The following LRCH3 variants were observed in gnomAD, a reference collection of about 807,000 sequenced individuals.
The protein encoded by LRCH3 is DISP complex protein LRCH3.
A neutral mutation model predicts 104.5 loss-of-function variants in LRCH3; 68 were observed. The observed-to-expected ratio is 0.65, with a 90% CI of 0.54 to 0.80. The LOEUF (loss-of-function observed/expected upper bound fraction) is 0.80. LRCH3 is among the 30% of genes least tolerant of loss of function. The probability of loss-of-function intolerance (pLI) is 0.00; values close to 1 mark genes in which losing one functional copy is unlikely to be tolerated. For synonymous variants in LRCH3, 344 were observed against 361.3 expected (o/e 0.95, Z 0.54); for missense variants, 951 against 953.9 (o/e 1.00, Z 0.04).
intron 1 of LRCH3, among the ~76,000 whole-genome samples, chr3:197,808,306 C>CA (rs1732725044): frequency 6.6e-6 from 1 of 152,220 alleles, no homozygotes; most frequent in Admixed American, 6.5e-5. Context: ...ACCTTCATCT[C>CA]AGACTTCTAG....
At chr3:197,809,627 C>G (rs1457369031) in intron 1 of LRCH3, among the ~76,000 whole-genome samples, 2 of 150,746 alleles carry the variant, frequency 1.3e-5, no homozygotes, top group Non-Finnish European at 2.9e-5. Flanking sequence ...GTTGTTCAGG[C>G]TGGGTAATTT....
intron 10 of LRCH3, among the ~76,000 whole-genome samples, chr3:197,840,645 C>T (rs748392071): frequency 6.6e-6 from 1 of 152,014 alleles, no homozygotes; most frequent in Non-Finnish European, 1.5e-5. Context: ...GGTGAATTTA[C>T]GTAGTTCTTA....
At chr3:197,834,640 C>T (rs1439452011) in intron 8 of LRCH3, among the ~76,000 whole-genome samples, 3 of 152,188 alleles carry the variant, frequency 2.0e-5, no homozygotes, top group African/African-American at 2.4e-5. Context: ...AACACGAAAA[C>T]ACAAAGATGC....
chr3:197,832,188 T>A lies in LRCH3; in HGVS notation c.982-9T>A, dbSNP rs1736040566. ...TGATTGTTTTTAATGTTTCTGCTTC[T>A]TTTTTAAGCCTACAGATGAATTTTC... On this transcript the variant is annotated splice_polypyrimidine_tract_variant and intron_variant, in intron 7 of 20. Coordinates refer to ENST00000425562, the MANE Select transcript of LRCH3 (RefSeq NM_001365715.1). 2 of 1,609,142 alleles carry A rather than the reference T, an allele frequency of 1.2e-6. No individual in the cohort carries two copies. The highest frequency in any genetic ancestry group is 1.7e-6 in the Non-Finnish European group (2 of 1,176,576).
chr3:197,818,677 A>G (rs1327247784), intron 3 of LRCH3, among the ~76,000 whole-genome samples: 2 of 152,226 alleles, frequency 1.3e-5, no homozygotes, highest in African/African-American at 2.4e-5. Flanking sequence ...CTATAATTCA[A>G]ATTCTTATTT....
intron 10 of LRCH3, among the ~76,000 whole-genome samples, chr3:197,839,971 C>CAA (rs61011180): frequency 0.02 from 2,217 of 111,162 alleles, 64 homozygotes; most frequent in African/African-American, 0.065. Context: ...GACCCTGTCT[C>CAA]AAAAAAAAAA....
In LRCH3 at chr3:197,792,379, G is replaced by T. The variant is rs969286475; in HGVS notation, c.262+839G>T. 2.0e-5 allele frequency among the ~76,000 whole-genome samples: 3 copies of T among 150,492 alleles called. No homozygotes were observed. In the South Asian group the frequency reaches 6.3e-4, roughly 32 times the overall value. ...TATGTATGTTTTCGAACACAGGAAA[G>T]AGAATAAGAAAGTAGGTATTATTTG... is the stretch of plus-strand genomic sequence containing the variant. On this transcript the variant is annotated intron_variant, in intron 1 of 20. Coordinates refer to ENST00000425562, the MANE Select transcript of LRCH3 (RefSeq NM_001365715.1).
chr3:197,791,316 C>T lies in LRCH3; in HGVS notation c.38C>T (p.Ala13Val), dbSNP rs777795201. 3 of 1,609,328 alleles carry T rather than the reference C, an allele frequency of 1.9e-6. No homozygotes were observed. The highest frequency in any genetic ancestry group is 1.7e-6 in the Non-Finnish European group (2 of 1,178,856). The change falls in exon 1 of 21, where the codon GCC becomes GTC. Residue 13 changes from alanine to valine, a missense_variant. By Grantham distance (64) the Ala-to-Val change is moderately conservative. Transcript: ENST00000425562. ...AAGLVAVAAA[A>V]EYSGTVASGG... Reference sequence around the variant, plus strand: ...GGCTTGGTCGCTGTGGCAGCGGCTGCCGAGTACTCTGGCACGGTAGCGTCG... The same window carrying T: ...GGCTTGGTCGCTGTGGCAGCGGCTGTCGAGTACTCTGGCACGGTAGCGTCG...
chr3:197,880,171 T>C (rs2109573886), intron 20 of LRCH3, among the ~76,000 whole-genome samples: 1 of 151,912 alleles, frequency 6.6e-6, no homozygotes, highest in South Asian at 2.1e-4. Flanking sequence ...GGTCTCGATC[T>C]CCTGACCTCG....
In LRCH3 at chr3:197,847,291, AGTTTGCTACT is replaced by A. The variant is rs1738875436; in HGVS notation, c.1329-116_1329-107del. 9.3e-6 allele frequency: 8 copies of A among 863,014 alleles called. No individual in the cohort carries two copies. The East Asian group carries it at 2.1e-4, about 23-fold the overall frequency. The allele number at this position is 863,014 out of a possible 1,614,324, so 53.5% of individuals were successfully genotyped here. ...GCTACTCCTTCAATGCTAACTAGGC[AGTTTGCTACT>A]GATTAATAGAAAGCTACATTTACAA... On this transcript the variant is annotated intron_variant, in intron 10 of 20. Coordinates refer to ENST00000425562, the MANE Select transcript of LRCH3 (RefSeq NM_001365715.1).
chr3:197,850,324 C>G, intron 12 of LRCH3: 2 of 715,112 alleles, frequency 2.8e-6, no homozygotes, highest in Non-Finnish European at 4.6e-6. Flanking sequence ...ATTTAATTCT[C>G]CCAACTCTCT....
At chr3:197,824,777 G>A (rs1033849480) in intron 4 of LRCH3, among the ~76,000 whole-genome samples, 85 of 151,672 alleles carry the variant, frequency 5.6e-4, no homozygotes, top group Middle Eastern at 3.4e-3. Flanking sequence ...TTACCATCTT[G>A]GCCAGGCTGG....
rs1195908353 is a variant in LRCH3, at chr3:197,791,355, C to T, written c.77C>T (p.Pro26Leu). Residue 26 changes from proline (P) to leucine (L), a missense_variant, in exon 1 of 21, where the codon CCT becomes CTT. Coordinates refer to ENST00000425562, the MANE Select transcript of LRCH3 (RefSeq NM_001365715.1). ...SGTVASGGNLPGVHCGPSSGA... is the reference protein window; with the variant it reads ...SGTVASGGNLLGVHCGPSSGA... ...ACGGTAGCGTCGGGAGGTAACCTCC[C>T]TGGTGTTCACTGCGGCCCAAGCTCC... 2 of 1,605,182 alleles carry T rather than the reference C, an allele frequency of 1.2e-6. No homozygotes were observed. The highest frequency in any genetic ancestry group is 1.3e-5 in the African/African-American group (1 of 74,528).
intron 10 of LRCH3, among the ~76,000 whole-genome samples, chr3:197,843,415 T>C (rs1425743059): frequency 2.0e-5 from 3 of 151,962 alleles, no homozygotes; most frequent in African/African-American, 7.3e-5. Context: ...TGGCCGGGTG[T>C]AATACACCTG....
chr3:197,879,952 T>A (rs1284773517), intron 20 of LRCH3, among the ~76,000 whole-genome samples: 2 of 140,602 alleles, frequency 1.4e-5, no homozygotes, highest in Non-Finnish European at 3.0e-5. Flanking sequence ...ATTGTATTTT[T>A]TTTTTTTTTT....
chr3:197,882,993 A>T, intron 20 of LRCH3: 1 of 985,402 alleles, frequency 1.0e-6, no homozygotes, highest in Non-Finnish European at 1.2e-6. Flanking sequence ...GGATACACTG[A>T]GTTTCTTGCC....
intron 13 of LRCH3, among the ~76,000 whole-genome samples, chr3:197,853,095 T>G (rs1407619839): frequency 6.6e-6 from 1 of 152,202 alleles, no homozygotes; most frequent in African/African-American, 2.4e-5. Context: ...ACACACCTCT[T>G]TTGATCTGTT....
chr3:197,820,317 C>T lies in LRCH3; in HGVS notation c.535-8C>T, dbSNP rs112118216. ...GGACAATCTTTATTTTGTATCTTTTCGAAATAGGATGTGAGCTGCAATGAA... is the reference window on the plus strand; with the variant it reads ...GGACAATCTTTATTTTGTATCTTTTTGAAATAGGATGTGAGCTGCAATGAA... On this transcript the variant is annotated splice_region_variant and splice_polypyrimidine_tract_variant and intron_variant, in intron 3 of 20. Transcript: ENST00000425562. 202 of 1,584,326 alleles carry T rather than the reference C, an allele frequency of 1.3e-4. 4 individuals carry two copies. Among genetic ancestry groups the T allele is most frequent in the African/African-American group, 1.2e-3 (91 of 74,374 alleles).
chr3:197,878,815 G>C (rs1340678288), intron 20 of LRCH3, among the ~76,000 whole-genome samples: 3 of 152,220 alleles, frequency 2.0e-5, no homozygotes, highest in African/African-American at 7.2e-5. Flanking sequence ...CTGGTCTCCA[G>C]GTCATTCTGG....
Sources: gnomAD v4.1 joint callset for allele counts (sites outside exome capture counted in the v4.1 genomes callset) on GRCh38, gnomAD v4.1.1 for gene constraint, MANE v1.5 for transcripts, NCBI Gene and HGNC (gene_info 2026-07-23, HGNC 2026-07-21) for gene names.